Variants in MAGED1 observed in about 807,000 individuals in gnomAD.
The protein encoded by MAGED1 is melanoma-associated antigen D1.
A neutral mutation model predicts 54.1 loss-of-function variants in MAGED1; 3 were observed. That is an observed-to-expected ratio of 0.06 (90% CI 0.03 to 0.14). MAGED1 has a LOEUF of 0.14. Among genes scored for constraint, MAGED1 ranks in the 10% least tolerant of loss-of-function variants. The pLI is 1.00. For missense variants in MAGED1, 485 were observed against 623.4 expected (o/e 0.78, Z 2.36); for synonymous variants, 217 against 227.3 (o/e 0.95, Z 0.41).
chrX:51,834,697 T>C lies in MAGED1; in HGVS notation c.-37+31580T>C, dbSNP rs184060424. ...ATGGATTCCTTGTTAGTGTTGCAAA[T>C]ATCTGCTCTCAGTCCGTAGTTAGTC... is the stretch of plus-strand genomic sequence containing the variant. On this transcript the variant is annotated intron_variant, in intron 1 of 12. Coordinates refer to the MAGED1 transcript ENST00000375772. Among the ~76,000 whole-genome samples, 9 of 111,754 alleles carry C rather than the reference T, an allele frequency of 8.1e-5. No homozygotes were observed. In the Admixed American group the frequency reaches 8.6e-4, roughly 11 times the overall value.
intron 1 of MAGED1, among the ~76,000 whole-genome samples, chrX:51,805,965 CTTTTTTTTTTTTTTTTT>C: frequency 2.7e-5 from 1 of 36,936 alleles, no homozygotes; most frequent in East Asian, 1.2e-3. Context: ...CTTTTCTTTT[CTTTTTTTTTTTTTTTTT>C]TTTTTTTTTT....
intron 1 of MAGED1, among the ~76,000 whole-genome samples, chrX:51,836,498 G>C (rs1926254865): frequency 9.1e-6 from 1 of 110,080 alleles, no homozygotes; most frequent in Non-Finnish European, 1.9e-5. Flanking sequence ...GATGAAAACT[G>C]TTCTTTCTAG....
upstream of MAGED1, among the ~76,000 whole-genome samples, chrX:51,893,246 A>G (rs782155237): frequency 8.5e-4 from 94 of 110,329 alleles, no homozygotes; most frequent in African/African-American, 3.0e-3. Context: ...CATGCTGGAC[A>G]AGGGGGTGGA....
chrX:51,883,897 AC>A (rs1194098282), intron 1 of MAGED1, among the ~76,000 whole-genome samples: 4 of 112,085 alleles, frequency 3.6e-5, no homozygotes, highest in African/African-American at 1.3e-4. Flanking sequence ...AATAAAAATA[AC>A]AGAAGAATTA....
intron 1 of MAGED1, among the ~76,000 whole-genome samples, chrX:51,845,771 A>ATGTTT (rs782151777): frequency 1.6e-4 from 18 of 110,540 alleles, no homozygotes; most frequent in Admixed American, 4.8e-4. Context: ...TCTGATGTGA[A>ATGTTT]TGTTTTGTTT....
chrX:51,838,280 G>A (rs7056700), intron 1 of MAGED1, among the ~76,000 whole-genome samples: 31,011 of 111,503 alleles, frequency 0.28, 3,190 homozygotes, highest in Middle Eastern at 0.32. Flanking sequence ...AGGAAACCCC[G>A]TGTACTCTTA....
intron 1 of MAGED1, among the ~76,000 whole-genome samples, chrX:51,870,509 A>G (rs1353331271): frequency 3.6e-5 from 4 of 112,030 alleles, no homozygotes; most frequent in African/African-American, 1.3e-4. Flanking sequence ...TTGCGTATAT[A>G]AAGATGTGGT....
At chrX:51,853,909 CTGATGCTCAGAAAAGTACAAATACT>C (rs1466442170) in intron 1 of MAGED1, among the ~76,000 whole-genome samples, 1 of 112,054 alleles carries the variant, frequency 8.9e-6, no homozygotes, top group Non-Finnish European at 1.9e-5. Context: ...GAGGACACAT[CTGATGCTCAGAAAAGTACAAATACT>C]TGCTCAAGGT....
At chrX:51,889,854 C>T (rs1928376143), upstream of MAGED1, among the ~76,000 whole-genome samples, 1 of 111,380 alleles carries the variant, frequency 9.0e-6, no homozygotes, top group African/African-American at 3.3e-5. Context: ...TAAGTTGTAA[C>T]TGCAGTGAAA....
chrX:51,900,284 A>G lies in MAGED1; in HGVS notation c.1947A>G (p.Arg649=). ...AGACTAGCAAGATGAAAGTGCTGAG[A>G]TTCATTGCAGAGGTAATGGAGGAAC... ...YHETSKMKVL[R]FIAEVQKRDP... The change falls in exon 11 of 13, where the codon AGA becomes AGG. Residue 649 remains arginine (R), a synonymous_variant. Coordinates refer to ENST00000326587, the MANE Select transcript of MAGED1 (RefSeq NM_006986.4). 1 of 1,199,863 alleles carries G rather than the reference A, an allele frequency of 8.3e-7. No homozygotes were observed.
intron 1 of MAGED1, among the ~76,000 whole-genome samples, chrX:51,881,146 G>A (rs1928036027): frequency 9.0e-6 from 1 of 111,337 alleles, no homozygotes; most frequent in African/African-American, 3.3e-5. Flanking sequence ...GTCCTCACAA[G>A]GTGGAGAGCA....
chrX:51,897,940 A>C, intron 7 of MAGED1, 54 bp downstream of exon 7: 1 of 1,022,035 alleles, frequency 9.8e-7, no homozygotes, highest in Non-Finnish European at 1.4e-6. Context: ...CTTTTTTTCT[A>C]GGAGTTTCAC....
At chrX:51,897,122 T>C in intron 4 of MAGED1, 45 bp downstream of exon 4, 1 of 1,199,838 alleles carries the variant, frequency 8.3e-7, no homozygotes, top group Admixed American at 2.2e-5. Flanking sequence ...CTCTTGCTCT[T>C]TTCTTTGTCA....
At chrX:51,890,392 C>G (rs1247569606), upstream of MAGED1, among the ~76,000 whole-genome samples, 8 of 111,808 alleles carry the variant, frequency 7.2e-5, no homozygotes, top group Admixed American at 3.8e-4. Flanking sequence ...AAACAATAGC[C>G]ATAACACTTT....
intron 1 of MAGED1, among the ~76,000 whole-genome samples, chrX:51,854,200 A>G (rs1476588418): frequency 1.8e-5 from 2 of 112,152 alleles, no homozygotes; most frequent in Admixed American, 9.5e-5. Flanking sequence ...CCTGATAAAT[A>G]AGTATCCCTT....
At chrX:51,830,843 T>C (rs1473777940) in intron 1 of MAGED1, among the ~76,000 whole-genome samples, 1 of 111,845 alleles carries the variant, frequency 8.9e-6, no homozygotes, top group Non-Finnish European at 1.9e-5. Context: ...TCATATGCTG[T>C]CTCCTTTGTG....
At chrX:51,890,900 C>T (rs782574403), upstream of MAGED1, among the ~76,000 whole-genome samples, 9 of 108,230 alleles carry the variant, frequency 8.3e-5, no homozygotes, top group East Asian at 2.9e-4. Context: ...TCTGGTGTCA[C>T]GGAAATAAAG....
At chrX:51,880,733 A>G (rs1293491899) in intron 1 of MAGED1, among the ~76,000 whole-genome samples, 1 of 111,576 alleles carries the variant, frequency 9.0e-6, no homozygotes, top group Non-Finnish European at 1.9e-5. Flanking sequence ...ACCAACATAA[A>G]GAGAACAGGG....
chrX:51,840,961 G>T (rs1459387561), intron 1 of MAGED1, among the ~76,000 whole-genome samples: 15 of 110,746 alleles, frequency 1.4e-4, no homozygotes, highest in African/African-American at 4.9e-4. Flanking sequence ...GTAATGGGAT[G>T]GCTGGGTCAA....
Sources: gnomAD v4.1 joint callset for allele counts (sites outside exome capture counted in the v4.1 genomes callset) on GRCh38, gnomAD v4.1.1 for gene constraint, MANE v1.5 for transcripts, NCBI Gene and HGNC (gene_info 2026-07-23, HGNC 2026-07-21) for gene names.